The following ACSM2A variants were observed in gnomAD, a reference collection of about 807,000 sequenced individuals.
ACSM2A encodes the protein acyl-coenzyme A synthetase ACSM2A, mitochondrial.
A neutral mutation model predicts 76.6 loss-of-function variants in ACSM2A; 72 were observed. That is an observed-to-expected ratio of 0.94 (90% confidence interval 0.78 to 1.14). The LOEUF (loss-of-function observed/expected upper bound fraction) is 1.14. ACSM2A is among the 50% of genes most tolerant of loss of function. The pLI is 0.00. For missense variants in ACSM2A, 684 were observed against 708.5 expected, an observed-to-expected ratio of 0.97 and a Z score of 0.39; for synonymous variants, 249 against 255.9, an observed-to-expected ratio of 0.97 and a Z score of 0.26.
At chr16:20,462,013 A>C (rs1037785676) in intron 2 of ACSM2A, among the ~76,000 whole-genome samples, 3 of 152,186 alleles carry the variant, frequency 2.0e-5, no homozygotes, top group Non-Finnish European at 4.4e-5. Context: ...TTTCTGGGTG[A>C]GGCAGACACA....
At chr16:20,464,848 G>A (rs1339720714) in intron 2 of ACSM2A, among the ~76,000 whole-genome samples, 3 of 152,128 alleles carry the variant, frequency 2.0e-5, no homozygotes, top group Non-Finnish European at 4.4e-5. Flanking sequence ...GAAAAACTCG[G>A]GAGATGGATG....
chr16:20,458,495 A>T (rs2012344210), intron 1 of ACSM2A, among the ~76,000 whole-genome samples: 1 of 145,658 alleles, frequency 6.9e-6, no homozygotes, highest in African/African-American at 2.5e-5. Context: ...TATATAATAC[A>T]TAATATTACA....
intron 3 of ACSM2A, 145 bp from the exon 4 acceptor site, chr16:20,469,367 T>C (rs2141719145): frequency 3.4e-6 from 5 of 1,452,924 alleles, no homozygotes; most frequent in Non-Finnish European, 4.5e-6. Context: ...TGTCCTTAGT[T>C]CCCTTTTTTA....
chr16:20,465,467 C>T (rs1379520887), intron 2 of ACSM2A, 50 bp from the exon 3 acceptor site: 2 of 1,597,140 alleles, frequency 1.3e-6, no homozygotes, highest in Admixed American at 1.7e-5. Context: ...ATTTATCCTA[C>T]CTGCTTGTGT....
chr16:20,468,401 C>T (rs1042998043), intron 3 of ACSM2A, among the ~76,000 whole-genome samples: 2 of 152,210 alleles, frequency 1.3e-5, no homozygotes, highest in African/African-American at 2.4e-5. Flanking sequence ...CGGAGTCTCC[C>T]TCTGTAGTCC....
intron 1 of ACSM2A, among the ~76,000 whole-genome samples, chr16:20,459,654 G>T (rs906752274): frequency 3.9e-5 from 6 of 152,124 alleles, no homozygotes; most frequent in Admixed American, 1.3e-4. Context: ...ACATCTCGTT[G>T]ACCAAAGCAT....
intron 1 of ACSM2A, among the ~76,000 whole-genome samples, chr16:20,456,642 C>T (rs1007302052): frequency 8.7e-5 from 13 of 149,306 alleles, no homozygotes; most frequent in Non-Finnish European, 1.3e-4. Flanking sequence ...TTCTAGGATA[C>T]AGCAAAGATG....
In ACSM2A at chr16:20,476,550, C is replaced by T. The variant is rs560288784; in HGVS notation, c.1098+777C>T. On this transcript the variant is annotated intron_variant, in intron 8 of 13. Transcript: ENST00000573854. Reference sequence around the variant, plus strand: ...ATAAGGACAATGGAGTTGTGGCAAGCATACCCTGGCAGGGGCCTCCCACCA... The same window carrying T: ...ATAAGGACAATGGAGTTGTGGCAAGTATACCCTGGCAGGGGCCTCCCACCA... The T allele has an allele frequency of 4.1e-6, 4 of 985,410 alleles. No individual in the cohort carries two copies. In the South Asian group the frequency reaches 1.9e-4, roughly 46 times the overall value. The allele number at this position is 985,410 out of a possible 1,614,324, so 61.0% of individuals were successfully genotyped here.
rs1245954622 is a variant in ACSM2A at position 20,487,600 on chromosome 16, A to C, written c.*922A>C. ...GTAAGCACTGCCAAAGTTATCAGCTACCCATATCTCATGTTTTTGATGTTA... is the reference window on the plus strand; with the variant it reads ...GTAAGCACTGCCAAAGTTATCAGCTCCCCATATCTCATGTTTTTGATGTTA... On this transcript the variant is annotated 3_prime_UTR_variant, in exon 14 of 14. Coordinates refer to ENST00000573854, the MANE Select transcript of ACSM2A (RefSeq NM_001308172.2). 1 of 152,202 alleles carries C rather than the reference A, an allele frequency of 6.6e-6. No individual in the cohort carries two copies. Among genetic ancestry groups the C allele is most frequent in the Admixed American group, 6.5e-5 (1 of 15,284 alleles). 9.4% of individuals were successfully genotyped at this position (152,202 alleles called of 1,614,324 possible).
chr16:20,464,464 A>T (rs1347331739), intron 2 of ACSM2A, among the ~76,000 whole-genome samples: 1 of 152,222 alleles, frequency 6.6e-6, no homozygotes, highest in East Asian at 1.9e-4. Flanking sequence ...AGAAATTTAC[A>T]GTAATGGTGG....
At chr16:20,473,728 A>T (rs2013555934) in intron 6 of ACSM2A, among the ~76,000 whole-genome samples, 1 of 152,154 alleles carries the variant, frequency 6.6e-6, no homozygotes, top group Non-Finnish European at 1.5e-5. Context: ...TTTAAAATTT[A>T]ACCTGAGAGA....
intron 1 of ACSM2A, among the ~76,000 whole-genome samples, chr16:20,457,677 A>G (rs1270217798): frequency 6.6e-6 from 1 of 152,114 alleles, no homozygotes; most frequent in Non-Finnish European, 1.5e-5. Context: ...AATGTAATAA[A>G]AGCCATCTAT....
chr16:20,469,993 G>A (rs1482138600), intron 4 of ACSM2A, among the ~76,000 whole-genome samples: 1 of 147,576 alleles, frequency 6.8e-6, no homozygotes, highest in Non-Finnish European at 1.5e-5. Flanking sequence ...GGATTGAAAA[G>A]CACTGATCCA....
At chr16:20,462,227 A>G (rs2012665485) in intron 2 of ACSM2A, among the ~76,000 whole-genome samples, 2 of 152,150 alleles carry the variant, frequency 1.3e-5, no homozygotes, top group African/African-American at 2.4e-5. Flanking sequence ...GCTAGGGAAC[A>G]ATGGCTGGTT....
At chr16:20,478,491 A>C in intron 9 of ACSM2A, 85 bp from the exon 10 acceptor site, 1 of 1,506,340 alleles carries the variant, frequency 6.6e-7, no homozygotes, top group Non-Finnish European at 9.0e-7. Context: ...AGGGTCTTTC[A>C]TTTGACCAAT....
chr16:20,471,135 T>A lies in ACSM2A; in HGVS notation c.659T>A (p.Phe220Tyr). 1 of 1,613,700 alleles carries A rather than the reference T, an allele frequency of 6.2e-7. No homozygotes were observed. The highest frequency in any genetic ancestry group is 8.5e-7 in the Non-Finnish European group (1 of 1,179,668). ...AGCCAGGAAGCATCTGCCATCTACT[T>A]CACTAGTGGGACCAGTGGTCTTCCC... is the stretch of plus-strand genomic sequence containing the variant. Reference protein sequence around the residue: ...TGSQEASAIYFTSGTSGLPKM... With the variant: ...TGSQEASAIYYTSGTSGLPKM... Residue 220 changes from phenylalanine to tyrosine, a missense_variant, in exon 5 of 14, where the codon TTC becomes TAC. By Grantham distance (22) the Phe-to-Tyr change is conservative. Transcript: ENST00000573854.
chr16:20,473,975 A>T (rs2013573567), intron 6 of ACSM2A: 1 of 438,338 alleles, frequency 2.3e-6, no homozygotes, highest in African/African-American at 2.0e-5. Context: ...GATAAACTCA[A>T]CCAATTGTCA....
At chr16:20,484,091 C>G (rs372714857) in intron 13 of ACSM2A, among the ~76,000 whole-genome samples, 5,912 of 148,062 alleles carry the variant, frequency 0.04, 351 homozygotes, top group African/African-American at 0.14. Flanking sequence ...CTCACTGGAC[C>G]AACTTGGGCC....
chr16:20,460,216 G>A lies in ACSM2A; in HGVS notation c.102G>A (p.Gln34=), dbSNP rs754475476. Reference sequence around the variant, plus strand: ...ATAGTAGGCAACTGGTGTCCCTGCAGTGGGGCCACCAGGAAGTGCCGGCCA... The same window carrying A: ...ATAGTAGGCAACTGGTGTCCCTGCAATGGGGCCACCAGGAAGTGCCGGCCA... ...YINSRQLVSL[Q]WGHQEVPAKF... The change falls in exon 2 of 14, where the codon CAG becomes CAA. Residue 34 remains glutamine (Q), a synonymous_variant. Transcript: ENST00000573854. The A allele has an allele frequency of 2.5e-6, 4 of 1,613,590 alleles. No individual in the cohort carries two copies. In the South Asian group the frequency reaches 4.4e-5, roughly 18 times the overall value.
Sources: allele counts gnomAD v4.1 joint callset (sites outside exome capture counted in the v4.1 genomes callset), GRCh38; gene constraint gnomAD v4.1.1; transcripts MANE v1.5; gene names NCBI Gene and HGNC (gene_info 2026-07-23, HGNC 2026-07-21).